PPP2R2B: variants seen among roughly 807,000 people sequenced by gnomAD.
PPP2R2B encodes serine/threonine-protein phosphatase 2A 55 kDa regulatory subunit B beta isoform.
A neutral mutation model predicts 46.0 loss-of-function variants in PPP2R2B; 5 were observed. The observed-to-expected ratio is 0.11, with a 90% CI of 0.06 to 0.23. PPP2R2B has a LOEUF of 0.23. PPP2R2B is among the 10% of genes least tolerant of loss of function. PPP2R2B has a pLI of 1.00. For synonymous variants in PPP2R2B, 215 were observed against 206.7 expected, an observed-to-expected ratio of 1.04 and a Z score of -0.34; for missense variants, 367 against 575.0, an observed-to-expected ratio of 0.64 and a Z score of 3.70.
chr5:146,592,707 C>G (rs1303868797), intron 9 of PPP2R2B, among the ~76,000 whole-genome samples: 1 of 152,146 alleles, frequency 6.6e-6, no homozygotes, highest in Admixed American at 6.6e-5. Flanking sequence ...CTGGAGGTGT[C>G]TTGTGTGAAA....
intron 2 of PPP2R2B, among the ~76,000 whole-genome samples, chr5:146,875,651 G>A (rs1373541603): frequency 6.6e-6 from 1 of 152,170 alleles, no homozygotes; most frequent in Non-Finnish European, 1.5e-5. Context: ...AGAACAATCT[G>A]ACATAACTGA....
intron 1 of PPP2R2B, among the ~76,000 whole-genome samples, chr5:146,988,851 G>A (rs575711684): frequency 1.3e-4 from 20 of 151,650 alleles, no homozygotes; most frequent in East Asian, 3.9e-4. Flanking sequence ...CAGACAAAAC[G>A]AATAATCCTT....
chr5:146,910,552 A>G lies in PPP2R2B; in HGVS notation c.79+145113T>C, dbSNP rs534327575. 5.3e-5 allele frequency among the ~76,000 whole-genome samples: 8 copies of G among 152,314 alleles called. 1 individual carries two copies. Among genetic ancestry groups the G allele is most frequent in the African/African-American group, 1.9e-4 (8 of 41,564 alleles). ...AAGATCTCTGACCATTAGTTGCCTC[A>G]TCTGCAAAAGGGTGATGGTAATAGC... On this transcript the variant is annotated intron_variant, in intron 1 of 8. Coordinates refer to the PPP2R2B transcript ENST00000336640.
Position 146,786,196 on chromosome 5 carries a change from G to GA in PPP2R2B, c.71-85055dup, listed in dbSNP as rs200931904. On this transcript the variant is annotated intron_variant, in intron 2 of 9. Coordinates refer to ENST00000394411, the MANE Select transcript of PPP2R2B (RefSeq NM_181675.4). Reference sequence around the variant, plus strand: ...TCAATAAAACTATAATAAATGGAAGGAAAAAAAGAATCACTCAAGATATGT... The same window carrying GA: ...TCAATAAAACTATAATAAATGGAAGGAAAAAAAAGAATCACTCAAGATATGT... Among the ~76,000 whole-genome samples, 373 of 151,980 alleles carry GA rather than the reference G, an allele frequency of 2.5e-3. 6 individuals carry two copies. Among genetic ancestry groups the GA allele is most frequent in the Admixed American group, 0.017 (258 of 15,274 alleles).
intron 2 of PPP2R2B, among the ~76,000 whole-genome samples, chr5:146,847,169 C>A (rs554563488): frequency 1.9e-4 from 29 of 152,338 alleles, no homozygotes; most frequent in African/African-American, 6.5e-4. Context: ...CTACCTCTAT[C>A]TCATTGTTTT....
intron 5 of PPP2R2B, among the ~76,000 whole-genome samples, chr5:146,660,496 A>G (rs1776605698): frequency 6.6e-6 from 1 of 152,168 alleles, no homozygotes; most frequent in Admixed American, 6.5e-5. Context: ...TCCATGGATC[A>G]ATGGTGGATG....
At chr5:147,069,316 A>C (rs1405963472) in intron 2 of PPP2R2B, among the ~76,000 whole-genome samples, 1 of 152,194 alleles carries the variant, frequency 6.6e-6, no homozygotes, top group Non-Finnish European at 1.5e-5. Flanking sequence ...TTTAATTTTC[A>C]CAATACAAGT....
chr5:146,637,729 C>T (rs960267500), intron 7 of PPP2R2B, among the ~76,000 whole-genome samples: 9 of 152,184 alleles, frequency 5.9e-5, no homozygotes, highest in African/African-American at 2.2e-4. Context: ...AGCTCCTTCC[C>T]CCAGCTGCTG....
At position 146,849,856 on chromosome 5, in the gene PPP2R2B, T is replaced by C. The variant is rs181275998; in HGVS notation, c.70+28146A>G. 4.6e-5 allele frequency among the ~76,000 whole-genome samples: 7 copies of C among 152,302 alleles called. No individual in the cohort carries two copies. In the East Asian group the frequency reaches 1.3e-3, roughly 29 times the overall value. On this transcript the variant is annotated intron_variant, in intron 2 of 9. Coordinates refer to ENST00000394411, the MANE Select transcript of PPP2R2B (RefSeq NM_181675.4). ...GCTTCTACCCTGTATAATATCTTAA[T>C]ACATCCTCGAAGTTCCTGACAAACA...
chr5:147,058,032 T>TTACC, upstream of PPP2R2B, among the ~76,000 whole-genome samples: 1 of 152,302 alleles, frequency 6.6e-6, no homozygotes, highest in Admixed American at 6.5e-5. Flanking sequence ...CTTTATTTAC[T>TTACC]TACCTATCTT....
At chr5:146,815,734 A>G (rs1757892909) in intron 2 of PPP2R2B, among the ~76,000 whole-genome samples, 2 of 152,324 alleles carry the variant, frequency 1.3e-5, no homozygotes, top group East Asian at 1.9e-4. Flanking sequence ...CCACACACAC[A>G]CACTTTAGGA....
intron 2 of PPP2R2B, among the ~76,000 whole-genome samples, chr5:146,856,032 A>C (rs1475625286): frequency 2.6e-5 from 4 of 152,200 alleles, no homozygotes; most frequent in Admixed American, 6.5e-5. Flanking sequence ...CGTTATATTC[A>C]AAGTAAGATG....
intron 9 of PPP2R2B, chr5:146,591,992 A>G (rs995393358): frequency 9.5e-6 from 3 of 314,424 alleles, no homozygotes; most frequent in Non-Finnish European, 1.8e-5. Context: ...AAGATAGAGG[A>G]AAAACTTGAG....
intron 2 of PPP2R2B, among the ~76,000 whole-genome samples, chr5:147,077,382 G>A (rs1482342500): frequency 6.6e-6 from 1 of 150,914 alleles, no homozygotes; most frequent in Non-Finnish European, 1.5e-5. Context: ...CACACCTGAG[G>A]AAAACTGAAG....
chr5:146,710,868 C>G (rs1780176504), intron 2 of PPP2R2B, among the ~76,000 whole-genome samples: 1 of 152,242 alleles, frequency 6.6e-6, no homozygotes, highest in Non-Finnish European at 1.5e-5. Flanking sequence ...ATTATGGCAT[C>G]TGGCACATGT....
chr5:146,719,663 T>C (rs920601074), intron 2 of PPP2R2B, among the ~76,000 whole-genome samples: 11 of 152,258 alleles, frequency 7.2e-5, no homozygotes, highest in Middle Eastern at 3.4e-3. Flanking sequence ...CAGCTCCACA[T>C]CATGGGACCA....
chr5:146,838,715 C>G (rs193056138), intron 2 of PPP2R2B, among the ~76,000 whole-genome samples: 2 of 152,120 alleles, frequency 1.3e-5, no homozygotes, highest in Non-Finnish European at 2.9e-5. Context: ...AAGTGATATG[C>G]TAACACATTA....
chr5:146,691,098 G>A (rs1345831755), intron 5 of PPP2R2B, 30 bp downstream of exon 5: 1 of 1,584,822 alleles, frequency 6.3e-7, no homozygotes. Context: ...GCCCCTGACT[G>A]TGGTGGCCAG....
At chr5:146,831,721 C>T (rs929410243) in intron 2 of PPP2R2B, among the ~76,000 whole-genome samples, 43 of 152,156 alleles carry the variant, frequency 2.8e-4, no homozygotes, top group Non-Finnish European at 6.0e-4. Context: ...ACCTGGGAGG[C>T]GGAGGCTGCA....
Sources: allele counts gnomAD v4.1 joint callset (sites outside exome capture counted in the v4.1 genomes callset), GRCh38; gene constraint gnomAD v4.1.1; transcripts MANE v1.5; gene names NCBI Gene and HGNC (gene_info 2026-07-23, HGNC 2026-07-21).